Variants in TBCD observed in about 807,000 individuals in gnomAD.
TBCD encodes the protein tubulin-specific chaperone D.
TBCD carries 105 observed loss-of-function variants against 169.3 expected under a neutral mutation model. The ratio of observed to expected loss-of-function variants is 0.62; its 90% CI spans 0.53 to 0.73. TBCD has a LOEUF of 0.73. Among genes scored for constraint, TBCD ranks in the 30% least tolerant of loss-of-function variants. The pLI is 0.00. For missense variants in TBCD, 1,444 were observed against 1,600.1 expected, an observed-to-expected ratio of 0.90 and a Z score of 1.66; for synonymous variants, 700 against 643.9, an observed-to-expected ratio of 1.09 and a Z score of -1.32.
In TBCD at chr17:82,830,725, G is replaced by C. The variant is rs1376567709; in HGVS notation, c.1318+15791G>C. The C allele has an allele frequency of 1.9e-6, 3 of 1,614,022 alleles. No individual in the cohort carries two copies. The African/African-American group carries it at 4.0e-5, about 22-fold the overall frequency. On this transcript the variant is annotated intron_variant, in intron 13 of 38. Transcript: ENST00000355528. ...CGCCTGGGGGCTGCCTTGGTACGTG[G>C]GTTCGTGGGTGGCTGCCAGGTTTAT...
chr17:82,789,485 C>A lies in TBCD; in HGVS notation c.771+7764C>A, dbSNP rs1383126835. Among the ~76,000 whole-genome samples the A allele has an allele frequency of 6.6e-6, 1 of 152,202 alleles. No homozygotes were observed. Among genetic ancestry groups the A allele is most frequent in the Non-Finnish European group, 1.5e-5 (1 of 68,030 alleles). Reference sequence around the variant, plus strand: ...AGTTCTTAGATGAGGAAGAGACAGGCAGAGAGCTGGGCTGGGCTGCTGCTG... The same window carrying A: ...AGTTCTTAGATGAGGAAGAGACAGGAAGAGAGCTGGGCTGGGCTGCTGCTG... On this transcript the variant is annotated intron_variant, in intron 7 of 38. Transcript: ENST00000355528. This position sits in a 1 kb window ranked among gnomAD's most constrained non-coding sequence, Gnocchi z 4.8.
intron 1 of TBCD, among the ~76,000 whole-genome samples, chr17:82,753,340 A>G (rs1056926984): frequency 6.6e-6 from 1 of 151,358 alleles, no homozygotes; most frequent in Non-Finnish European, 1.5e-5. Context: ...GCTGGGGCGG[A>G]TAACGATGCC....
In TBCD at chr17:82,927,900, A is replaced by C. The variant is rs373845436; in HGVS notation, c.2610-5A>C. 1 of 1,613,226 alleles carries C rather than the reference A, an allele frequency of 6.2e-7. No homozygotes were observed. Among genetic ancestry groups the C allele is most frequent in the African/African-American group, 1.3e-5 (1 of 74,898 alleles). ...GGGTGTCTCTGCCTCTCCTTGTCCC[A>C]TCAGGGTCCGCAAGGCCGCCATGAC... On this transcript the variant is annotated splice_region_variant and splice_polypyrimidine_tract_variant and intron_variant, in intron 29 of 38. Transcript: ENST00000355528.
rs1793634003 is a variant in TBCD, at chr17:82,835,492, G to A, written c.1318+20558G>A. On this transcript the variant is annotated intron_variant, in intron 13 of 38. Transcript: ENST00000355528. The surrounding 1 kb of genome is among the most constrained non-coding windows in gnomAD (Gnocchi z 4.5). ...GGCTGGAGGGCAGTGGTGCGATCTC[G>A]GTTCACTGCAACCTCTGCCTCCTGG... is the stretch of plus-strand genomic sequence containing the variant. Among the ~76,000 whole-genome samples, 1 of 152,044 alleles carries A rather than the reference G, an allele frequency of 6.6e-6. No homozygotes were observed. The highest frequency in any genetic ancestry group is 2.4e-5 in the African/African-American group (1 of 41,388).
At chr17:82,824,220 C>T (rs2052642592) in intron 13 of TBCD, among the ~76,000 whole-genome samples, 1 of 151,774 alleles carries the variant, frequency 6.6e-6, no homozygotes, top group Admixed American at 6.6e-5. Context: ...CTTGCTCTAT[C>T]ACCCAGGCTG....
intron 5 of TBCD, among the ~76,000 whole-genome samples, chr17:82,769,895 A>T (rs1454598140): frequency 6.9e-6 from 1 of 144,130 alleles, no homozygotes; most frequent in Admixed American, 6.9e-5. Flanking sequence ...AAAAAAAAAA[A>T]TTTAACCTAT....
chr17:82,752,084 T>A lies in TBCD; in HGVS notation c.-110T>A. 8.1e-7 allele frequency: 1 copy of A among 1,235,306 alleles called. No homozygotes were observed. Among genetic ancestry groups the A allele is most frequent in the Non-Finnish European group, 1.1e-6 (1 of 947,270 alleles). The allele number at this position is 1,235,306 out of a possible 1,614,324, so 76.5% of individuals were successfully genotyped here. ...GGCGGGGCCAGCGTCGGTTGCCGCC[T>A]TAGCGGGCGCCTCCTTTTCATCCCT... is the stretch of plus-strand genomic sequence containing the variant. On this transcript the variant is annotated 5_prime_UTR_variant, in exon 1 of 39. Transcript: ENST00000355528.
chr17:82,766,292 G>A lies in TBCD; in HGVS notation c.359G>A (p.Arg120His), dbSNP rs745626891. Reference protein sequence around the residue: ...TKVRGYKTFLRLFPHEVADVE... With the variant: ...TKVRGYKTFLHLFPHEVADVE... ...GTTCGAGGCTATAAAACATTTCTTC[G>A]TTTATTTCCTCATGAAGTTGCCGAT... The change falls in exon 4 of 39, where the codon CGT becomes CAT. Residue 120 changes from arginine (R) to histidine (H), a missense_variant. By Grantham distance (29) the Arg-to-His change is conservative. Transcript: ENST00000355528. 2.0e-5 allele frequency: 33 copies of A among 1,612,502 alleles called. No individual in the cohort carries two copies. The highest frequency in any genetic ancestry group is 2.4e-5 in the Non-Finnish European group (28 of 1,179,252).
intron 13 of TBCD, among the ~76,000 whole-genome samples, chr17:82,866,690 G>GGCAGAGGCC (rs1210107716): frequency 6.7e-6 from 1 of 149,568 alleles, no homozygotes; most frequent in East Asian, 1.9e-4. Context: ...CTGCCACCTG[G>GGCAGAGGCC]GCAGAGGCCC....
chr17:82,796,018 CGTCTGGCAAA>C (rs1174825390), intron 7 of TBCD: 1 of 152,242 alleles, frequency 6.6e-6, no homozygotes, highest in African/African-American at 2.4e-5. Context: ...CTTGATTGTC[CGTCTGGCAAA>C]CTCTGTTCCC....
intron 2 of TBCD, among the ~76,000 whole-genome samples, chr17:82,759,240 T>C (rs2047618630): frequency 6.6e-6 from 1 of 152,050 alleles, no homozygotes; most frequent in African/African-American, 2.4e-5. Flanking sequence ...CCTAGCACTT[T>C]GGGAGGCCGA....
intron 34 of TBCD, among the ~76,000 whole-genome samples, chr17:82,933,333 G>A (rs1008317370): frequency 6.9e-6 from 1 of 144,296 alleles, no homozygotes; most frequent in African/African-American, 2.6e-5. Context: ...GGAGTGCAGT[G>A]GCACAATCAC....
chr17:82,807,578 CTG>C (rs1254470812), intron 10 of TBCD, 28 bp from the exon 11 acceptor site: 1 of 1,466,244 alleles, frequency 6.8e-7, no homozygotes, highest in African/African-American at 1.4e-5. Context: ...TGTGTGGACT[CTG>C]TCACGCATCA....
chr17:82,873,820 T>C (rs980096089), intron 14 of TBCD, among the ~76,000 whole-genome samples: 1 of 152,266 alleles, frequency 6.6e-6, no homozygotes, highest in Admixed American at 6.5e-5. Context: ...CGCTTATTCT[T>C]AGGCCTGATT....
intron 13 of TBCD, among the ~76,000 whole-genome samples, chr17:82,824,190 A>T (rs988754437): frequency 1.9e-4 from 28 of 149,924 alleles, no homozygotes; most frequent in Non-Finnish European, 3.6e-4. Flanking sequence ...TTTTATTTTT[A>T]TTTTTTTTTG....
intron 22 of TBCD, among the ~76,000 whole-genome samples, chr17:82,910,203 C>A (rs2060529089): frequency 6.6e-6 from 1 of 152,204 alleles, no homozygotes; most frequent in Non-Finnish European, 1.5e-5. Context: ...TGTGACTTCT[C>A]AGCAGCCGAG....
intron 12 of TBCD, among the ~76,000 whole-genome samples, 154 bp from the exon 13 acceptor site, chr17:82,814,679 CCTTGATA>C (rs779489762): frequency 3.3e-5 from 5 of 152,218 alleles, no homozygotes; most frequent in Non-Finnish European, 5.9e-5. Flanking sequence ...CTGTGCCCAG[CCTTGATA>C]CTTTAAAAAC....
intron 13 of TBCD, among the ~76,000 whole-genome samples, chr17:82,822,978 G>A (rs2052534892): frequency 6.6e-6 from 1 of 152,226 alleles, no homozygotes; most frequent in South Asian, 2.1e-4. Flanking sequence ...CAGCCGACAT[G>A]GAAACCCGCA....
intron 22 of TBCD, among the ~76,000 whole-genome samples, chr17:82,911,001 A>G (rs1294230430): frequency 2.0e-5 from 3 of 151,828 alleles, no homozygotes; most frequent in Non-Finnish European, 4.4e-5. Context: ...GGCTGCTCCC[A>G]CCAGTTTCTG....
Sources: allele counts gnomAD v4.1 joint callset (sites outside exome capture counted in the v4.1 genomes callset), GRCh38; gene constraint gnomAD v4.1.1; non-coding constraint Gnocchi (gnomAD v3.1); transcripts MANE v1.5; gene names NCBI Gene and HGNC (gene_info 2026-07-23, HGNC 2026-07-21).